CDH16: variants seen among roughly 807,000 people sequenced by gnomAD.
The protein encoded by CDH16 is cadherin-16.
In CDH16, 79 loss-of-function variants were observed where a neutral mutation model predicts 87.6. The ratio of observed to expected loss-of-function variants is 0.90; its 90% CI spans 0.75 to 1.09. CDH16 has a LOEUF of 1.09. Ranked by LOEUF, CDH16 falls within the 50% of genes least tolerant of loss-of-function variation. The probability of loss-of-function intolerance (pLI) is 0.00; values close to 1 mark genes in which losing one functional copy is unlikely to be tolerated. For missense variants in CDH16, 1,124 were observed against 1,071.7 expected, an observed-to-expected ratio of 1.05 and a Z score of -0.68; for synonymous variants, 457 against 439.5, an observed-to-expected ratio of 1.04 and a Z score of -0.50.
At chr16:66,914,919 C>T (rs1241697498) in intron 6 of CDH16, among the ~76,000 whole-genome samples, 3 of 152,300 alleles carry the variant, frequency 2.0e-5, no homozygotes, top group Non-Finnish European at 4.4e-5. Context: ...CTTCCGCCAT[C>T]AGTCGCAAGG....
intron 9 of CDH16, 111 bp from the exon 10 acceptor site, chr16:66,913,002 G>A: frequency 1.6e-6 from 2 of 1,268,796 alleles, no homozygotes. Flanking sequence ...GTGTGTGTGT[G>A]TGTGTGTGTG....
intron 9 of CDH16, 25 bp downstream of exon 9, chr16:66,913,106 G>A (rs142289137): frequency 1.1e-5 from 17 of 1,590,612 alleles, no homozygotes; most frequent in South Asian, 2.3e-5. Context: ...TAGAGACTTC[G>A]TCCCTCTCCC....
chr16:66,912,789 AC>A lies in CDH16; in HGVS notation c.1156del (p.Val386Ter), dbSNP rs754384297. The A allele has an allele frequency of 1.2e-6, 2 of 1,613,384 alleles. No homozygotes were observed. Among genetic ancestry groups the A allele is most frequent in the African/African-American group, 2.7e-5 (2 of 74,854 alleles). ...GTCCACCTGGAAGGCTCTCCCCTCT[AC>A]CCCATCCTCAGGCTCAGGGCTCAGG... ...QLLSPEPEDG[V>X]EGRAFQVDPT... On this transcript the variant is annotated frameshift_variant, in exon 10 of 18. Transcript: ENST00000299752. LOFTEE classifies it high-confidence loss of function.
Position 66,912,727 on chromosome 16 carries a change from G to C in CDH16, c.1219C>G (p.Leu407Val). 3 of 1,613,916 alleles carry C rather than the reference G, an allele frequency of 1.9e-6. No homozygotes were observed. The highest frequency in any genetic ancestry group is 2.5e-6 in the Non-Finnish European group (3 of 1,180,034). Residue 407 changes from leucine (L) to valine (V), a missense_variant, in exon 10 of 18, where the codon CTC becomes GTC. Leu to Val is a conservative substitution (Grantham distance 32). Coordinates refer to ENST00000299752, the MANE Select transcript of CDH16 (RefSeq NM_004062.4). ...AGCAGGATGTTCTGGCCTGCTCGGA[G>C]TGGGAGCACCCCCAGCGTCACACTG... Reference protein sequence around the residue: ...SGSVTLGVLPLRAGQNILLLV... With the variant: ...SGSVTLGVLPVRAGQNILLLV...
Position 66,909,247 on chromosome 16 carries a change from T to G in CDH16, c.2392+20A>C. The G allele has an allele frequency of 6.7e-7, 1 of 1,485,766 alleles. No homozygotes were observed. Among genetic ancestry groups the G allele is most frequent in the Non-Finnish European group, 9.4e-7 (1 of 1,062,786 alleles). 92.0% of individuals were successfully genotyped at this position (1,485,766 alleles called of 1,614,324 possible). ...CACCCATCGCCCTCGCCCACGCAGG[T>G]AATGTCCAACCTCCATTACCTATTG... On this transcript the variant is annotated intron_variant, in intron 17 of 17. Coordinates refer to ENST00000299752, the MANE Select transcript of CDH16 (RefSeq NM_004062.4). The surrounding 1 kb of genome is among the most constrained non-coding windows in gnomAD (Gnocchi z 4.1).
At chr16:66,915,104 C>A in intron 6 of CDH16, 116 bp downstream of exon 6, 1 of 968,992 alleles carries the variant, frequency 1.0e-6, no homozygotes, top group Non-Finnish European at 1.5e-6. Flanking sequence ...ACCTAGAGTG[C>A]CCTTCCCTCC....
At position 66,910,099 on chromosome 16, in the gene CDH16, G is replaced by T. The variant is rs756099642; in HGVS notation, c.2168-6C>A. On this transcript the variant is annotated splice_polypyrimidine_tract_variant and splice_region_variant and intron_variant, in intron 15 of 17. Transcript: ENST00000299752. ...GGTGAGGTAGGCATGGGAACCTTTT[G>T]GGACAGCAGGCAAAGACCAGGGTCA... 2 of 1,606,670 alleles carry T rather than the reference G, an allele frequency of 1.2e-6. No individual in the cohort carries two copies. The highest frequency in any genetic ancestry group is 1.7e-6 in the Non-Finnish European group (2 of 1,175,910).
At chr16:66,915,644 G>A (rs533064631) in intron 5 of CDH16, among the ~76,000 whole-genome samples, 2 of 152,340 alleles carry the variant, frequency 1.3e-5, no homozygotes, top group African/African-American at 4.8e-5. Flanking sequence ...TGTAATTCCA[G>A]CACTTTGGGA....
At chr16:66,914,967 G>A (rs1033002093) in intron 6 of CDH16, among the ~76,000 whole-genome samples, 1 of 152,124 alleles carries the variant, frequency 6.6e-6, no homozygotes, top group Non-Finnish European at 1.5e-5. Flanking sequence ...CCCTTAGACT[G>A]TTCCTATCTT....
chr16:66,911,660 G>A (rs1165642276), intron 13 of CDH16, among the ~76,000 whole-genome samples: 1 of 152,196 alleles, frequency 6.6e-6, no homozygotes, highest in Non-Finnish European at 1.5e-5. Flanking sequence ...GGAGGGCCTG[G>A]TCCTCCCTCC....
chr16:66,909,187 G>T lies in CDH16; in HGVS notation c.2392+80C>A, dbSNP rs543122707. 1 of 891,372 alleles carries T rather than the reference G, an allele frequency of 1.1e-6. No homozygotes were observed. The highest frequency in any genetic ancestry group is 1.9e-6 in the Non-Finnish European group (1 of 527,998). 55.2% of individuals were successfully genotyped at this position (891,372 alleles called of 1,614,324 possible). A position where few individuals can be genotyped will look rare whatever the true frequency, so the allele number is the denominator to read the frequency against. On this transcript the variant is annotated intron_variant, in intron 17 of 17. Transcript: ENST00000299752. This position sits in a 1 kb window ranked among gnomAD's most constrained non-coding sequence, Gnocchi z 4.1. The stretch of plus-strand genomic sequence containing the variant: ...TTTTCAGAGCTAGGGGCACCATGGG[G>T]ACAAAGGTGTTTATTTGGAGGCTGT...
intron 15 of CDH16, 80 bp from the exon 16 acceptor site, chr16:66,910,173 A>AC: frequency 1.3e-6 from 2 of 1,554,644 alleles, no homozygotes; most frequent in Non-Finnish European, 1.7e-6. Flanking sequence ...GCCTAGCCCC[A>AC]CCCCCATGGT....
chr16:66,915,151 A>G, intron 6 of CDH16, 69 bp downstream of exon 6: 8 of 1,434,144 alleles, frequency 5.6e-6, no homozygotes, highest in Non-Finnish European at 7.5e-6. Context: ...TGCTTGTCTT[A>G]TGGTTCAGAT....
chr16:66,912,637 G>T, intron 10 of CDH16, 27 bp downstream of exon 10: 1 of 1,613,838 alleles, frequency 6.2e-7, no homozygotes, highest in Non-Finnish European at 8.5e-7. Flanking sequence ...GGGACAGGGG[G>T]CCTGGGTCAC....
intron 17 of CDH16, among the ~76,000 whole-genome samples, chr16:66,908,994 G>T (rs148897735): frequency 1.3e-5 from 2 of 152,302 alleles, no homozygotes; most frequent in African/African-American, 4.8e-5. Context: ...GCAAAATGGG[G>T]AGATACCAGG....
chr16:66,915,249 C>T lies in CDH16; in HGVS notation c.554G>A (p.Arg185Gln), dbSNP rs750106454. Residue 185 changes from arginine (R) to glutamine (Q), a missense_variant, in exon 6 of 18, where the codon CGG (arginine) becomes CAG (glutamine). Coordinates refer to ENST00000299752, the MANE Select transcript of CDH16 (RefSeq NM_004062.4). ...PSPDMFQLEP[R>Q]LGALALSPKG... is the part of the protein sequence containing the mutation. ...GGGGCTGAGGGCCAGAGCCCCCAGC[C>T]GAGGCTCCAGCTGGAACATGTCTGG... The T allele has an allele frequency of 5.1e-5, 82 of 1,612,806 alleles. 1 individual carries two copies. The highest frequency in any genetic ancestry group is 1.0e-4 in the Admixed American group (6 of 59,928).
rs770721508 is a variant in CDH16, at chr16:66,912,322, T to C, written c.1468A>G (p.Ile490Val). 1.2e-6 allele frequency: 2 copies of C among 1,613,976 alleles called. No homozygotes were observed. The highest frequency in any genetic ancestry group is 2.2e-5 in the East Asian group (1 of 44,890). ...EPAFRLMDFA[I>V]ERGDTEGTFG... The stretch of plus-strand genomic sequence containing the variant: ...GTCCCTTCTGTGTCTCCCCTCTCAA[T>C]GGCAAAATCCATGAGGCGGAAGGCG... Residue 490 changes from isoleucine to valine, a missense_variant, in exon 12 of 18, where the codon ATT becomes GTT. By Grantham distance (29) the Ile-to-Val change is conservative. Transcript: ENST00000299752.
intron 1 of CDH16, 117 bp downstream of exon 1, chr16:66,918,687 C>G (rs1962799366): frequency 6.6e-6 from 1 of 152,374 alleles, no homozygotes; most frequent in Non-Finnish European, 1.5e-5. Context: ...GACAACCCCT[C>G]TAAGATGAGG....
At chr16:66,912,924 C>T (rs762751031) in intron 9 of CDH16, 33 bp from the exon 10 acceptor site, 4 of 1,584,600 alleles carry the variant, frequency 2.5e-6, no homozygotes, top group East Asian at 4.5e-5. Context: ...GATAGGACCA[C>T]AGCCCAGCCT....
Sources: gnomAD v4.1 joint callset for allele counts (sites outside exome capture counted in the v4.1 genomes callset) on GRCh38, gnomAD v4.1.1 for gene constraint, Gnocchi (gnomAD v3.1) non-coding constraint, MANE v1.5 for transcripts, NCBI Gene and HGNC (gene_info 2026-07-23, HGNC 2026-07-21) for gene names.